ZNF148: variants seen among roughly 807,000 people sequenced by gnomAD.
ZNF148 encodes Beta-Enolase Repressor Factor-1.
Under a neutral mutation model 67.7 loss-of-function variants are expected in ZNF148, and 7 were observed. The ratio of observed to expected loss-of-function variants is 0.10; its 90% CI spans 0.06 to 0.19. The LOEUF (loss-of-function observed/expected upper bound fraction) is 0.19, where lower values mean the gene tolerates loss of function less well. ZNF148 is among the 10% of genes least tolerant of loss of function. ZNF148 has a pLI of 1.00. For missense variants in ZNF148, 583 were observed against 947.1 expected, an observed-to-expected ratio of 0.62 and a Z score of 5.05; for synonymous variants, 333 against 330.7, an observed-to-expected ratio of 1.01 and a Z score of -0.08.
intron 1 of ZNF148, among the ~76,000 whole-genome samples, chr3:125,345,704 T>G (rs961024775): frequency 6.6e-6 from 1 of 152,088 alleles, no homozygotes. Context: ...ACAAACAATT[T>G]TATGCTCTTA....
rs1308218247 is a variant in ZNF148, at chr3:125,263,096, A to G, written c.667+14630T>C. On this transcript the variant is annotated intron_variant, in intron 7 of 8. Coordinates refer to ENST00000360647, the MANE Select transcript of ZNF148 (RefSeq NM_021964.3). ...TACTCATTTTTTTGAAAACATCTTG[A>G]CATTTAAGTTGCATACCATTCCATT... is the stretch of plus-strand genomic sequence containing the variant. Among the ~76,000 whole-genome samples the G allele has an allele frequency of 3.3e-5, 5 of 152,316 alleles. No homozygotes were observed. The East Asian group carries it at 7.7e-4, about 23-fold the overall frequency.
intron 7 of ZNF148, among the ~76,000 whole-genome samples, chr3:125,266,882 C>T (rs1937542876): frequency 6.6e-6 from 1 of 152,018 alleles, no homozygotes; most frequent in African/African-American, 2.4e-5. Context: ...ACTAATCCCA[C>T]AGAAATACAA....
intron 1 of ZNF148, among the ~76,000 whole-genome samples, chr3:125,343,034 C>A (rs1292005592): frequency 6.6e-6 from 1 of 152,144 alleles, no homozygotes; most frequent in African/African-American, 2.4e-5. Flanking sequence ...AGACAGGAAA[C>A]AAACATTCAC....
intron 1 of ZNF148, chr3:125,357,177 G>A (rs963905229): frequency 4.9e-4 from 75 of 152,196 alleles, no homozygotes; most frequent in African/African-American, 1.7e-3. Flanking sequence ...GCGCCAGCGG[G>A]GCAGGCCCAG....
At chr3:125,285,951 T>C (rs868637473) in intron 5 of ZNF148, among the ~76,000 whole-genome samples, 1 of 152,136 alleles carries the variant, frequency 6.6e-6, no homozygotes, top group Non-Finnish European at 1.5e-5. Flanking sequence ...AAATACCTAA[T>C]CTATATTTAC....
At chr3:125,309,592 A>C (rs1429822532) in intron 4 of ZNF148, among the ~76,000 whole-genome samples, 1 of 138,130 alleles carries the variant, frequency 7.2e-6, no homozygotes, top group Admixed American at 7.1e-5. Context: ...GCTGAACTAC[A>C]GTTAAAAAAA....
intron 1 of ZNF148, among the ~76,000 whole-genome samples, chr3:125,359,336 T>C (rs1283618190): frequency 6.6e-6 from 1 of 152,258 alleles, no homozygotes; most frequent in Non-Finnish European, 1.5e-5. Flanking sequence ...GGAACACCAA[T>C]ACTACGTATT....
Position 125,231,864 on chromosome 3 carries a change from A to G in ZNF148, c.*477T>C, listed in dbSNP as rs1281903026. On this transcript the variant is annotated 3_prime_UTR_variant, in exon 9 of 9. Coordinates refer to ENST00000360647, the MANE Select transcript of ZNF148 (RefSeq NM_021964.3). ...TGGTTTTTTTCCCCCTATAGGACAC[A>G]CTAATTTATTTAAGCCATAATCTCT... 6.5e-6 allele frequency: 1 copy of G among 154,866 alleles called. No homozygotes were observed. The highest frequency in any genetic ancestry group is 6.3e-5 in the Admixed American group (1 of 15,754). The allele number at this position is 154,866 out of a possible 1,614,324, so 9.6% of individuals were successfully genotyped here. A position where few individuals can be genotyped will look rare whatever the true frequency, so the allele number is the denominator to read the frequency against.
chr3:125,292,353 T>A (rs903090316), intron 4 of ZNF148: 9 of 152,228 alleles, frequency 5.9e-5, no homozygotes, highest in African/African-American at 2.2e-4. Context: ...TCTGATCTAT[T>A]TCCCTATTAC....
intron 1 of ZNF148, among the ~76,000 whole-genome samples, chr3:125,359,593 C>T (rs1019198546): frequency 2.6e-5 from 4 of 152,170 alleles, no homozygotes; most frequent in Non-Finnish European, 4.4e-5. Context: ...ACATTTTACC[C>T]GAATCTCTTT....
At chr3:125,347,593 G>T (rs1941994172) in intron 1 of ZNF148, among the ~76,000 whole-genome samples, 1 of 151,078 alleles carries the variant, frequency 6.6e-6, no homozygotes. Flanking sequence ...TCTGAGACAG[G>T]GTCCCACTCT....
chr3:125,272,496 G>C (rs1937802340), intron 7 of ZNF148, among the ~76,000 whole-genome samples: 1 of 152,034 alleles, frequency 6.6e-6, no homozygotes, highest in South Asian at 2.1e-4. Context: ...TAAAGCCTCT[G>C]ATTTGCCATA....
intron 7 of ZNF148, among the ~76,000 whole-genome samples, chr3:125,265,177 T>A (rs750009369): frequency 1.3e-4 from 20 of 152,272 alleles, no homozygotes; most frequent in Non-Finnish European, 2.9e-4. Flanking sequence ...TACTTTTTAA[T>A]ATCAGAAAAG....
At chr3:125,326,164 A>G (rs1426716779) in intron 2 of ZNF148, among the ~76,000 whole-genome samples, 1 of 152,214 alleles carries the variant, frequency 6.6e-6, no homozygotes, top group Non-Finnish European at 1.5e-5. Flanking sequence ...CATTAAGCTG[A>G]AAGGAAAACA....
chr3:125,266,167 G>C (rs1937524396), intron 7 of ZNF148, among the ~76,000 whole-genome samples: 1 of 152,164 alleles, frequency 6.6e-6, no homozygotes, highest in Non-Finnish European at 1.5e-5. Context: ...TATTGAGGCA[G>C]AAAACTAACA....
chr3:125,353,873 A>G (rs1942249530), intron 1 of ZNF148, among the ~76,000 whole-genome samples: 1 of 152,182 alleles, frequency 6.6e-6, no homozygotes, highest in South Asian at 2.1e-4. Context: ...TAGGAGTTTG[A>G]GACCAGCCTG....
intron 7 of ZNF148, among the ~76,000 whole-genome samples, chr3:125,267,577 C>G: frequency 7.3e-6 from 1 of 136,190 alleles, no homozygotes; most frequent in South Asian, 2.3e-4. Context: ...AGGAACATAC[C>G]TCACAATAAT....
intron 5 of ZNF148, 71 bp from the exon 6 acceptor site, chr3:125,279,318 A>G: frequency 2.4e-6 from 3 of 1,269,062 alleles, no homozygotes; most frequent in Non-Finnish European, 3.2e-6. Context: ...GTAATTTTAA[A>G]AAAAAGATAA....
intron 7 of ZNF148, 101 bp downstream of exon 7, chr3:125,277,625 A>T (rs1938144934): frequency 2.1e-6 from 2 of 948,778 alleles, no homozygotes. Context: ...TATAGTCTAA[A>T]CCAATGGAAA....
Sources: allele counts gnomAD v4.1 joint callset (sites outside exome capture counted in the v4.1 genomes callset), GRCh38; gene constraint gnomAD v4.1.1; transcripts MANE v1.5; gene names NCBI Gene and HGNC (gene_info 2026-07-23, HGNC 2026-07-21).